Variants in RELN observed in about 807,000 individuals in gnomAD.
The protein encoded by RELN is reelin.
In RELN, 108 loss-of-function variants were observed where a neutral mutation model predicts 427.6. The ratio of observed to expected loss-of-function variants is 0.25; its 90% CI spans 0.22 to 0.30. The LOEUF is 0.30. Ranked by LOEUF, RELN falls within the 10% of genes least tolerant of loss-of-function variation. The probability of loss-of-function intolerance (pLI) is 1.00; values close to 1 mark genes in which losing one functional copy is unlikely to be tolerated. For synonymous variants in RELN, 1,524 were observed against 1,513.4 expected, an observed-to-expected ratio of 1.01 and a Z score of -0.16; for missense variants, 3,715 against 4,302.8, an observed-to-expected ratio of 0.86 and a Z score of 3.82.
Position 103,635,518 on chromosome 7 carries a change from G to C in RELN, c.2372C>G (p.Pro791Arg), listed in dbSNP as rs1832560291. 1.2e-6 allele frequency: 2 copies of C among 1,613,892 alleles called. No homozygotes were observed. Among genetic ancestry groups the C allele is most frequent in the East Asian group, 4.5e-5 (2 of 44,868 alleles). ...VLSTCRAPDQ[P>R]GEGVLLHYSY... Reference sequence around the variant, plus strand: ...ATAATGCAACAAAACTCCTTCACCAGGCTGATCAGGGGCTCTGCACGTGCT... The same window carrying C: ...ATAATGCAACAAAACTCCTTCACCACGCTGATCAGGGGCTCTGCACGTGCT... The change falls in exon 19 of 65, where the codon CCT becomes CGT. Residue 791 changes from proline (P) to arginine (R), a missense_variant. Physicochemically the swap from Pro to Arg is moderately radical, Grantham distance 103 (BLOSUM62 -2). Around this residue, in one of 4 missense-constraint regions of RELN, gnomAD observed 2,208 missense variants for 2,361.7 expected, o/e 0.93. Coordinates refer to ENST00000428762, the MANE Select transcript of RELN (RefSeq NM_005045.4).
intron 36 of RELN, 59 bp downstream of exon 36, chr7:103,561,473 G>T: frequency 8.0e-7 from 1 of 1,242,650 alleles, no homozygotes; most frequent in Non-Finnish European, 1.2e-6. Flanking sequence ...GTTGAGCAGT[G>T]ACTGAAGAAG....
chr7:103,784,825 G>C (rs934013484), intron 3 of RELN, among the ~76,000 whole-genome samples: 3 of 152,084 alleles, frequency 2.0e-5, no homozygotes, highest in Non-Finnish European at 4.4e-5. Context: ...TAGGCACAGG[G>C]ATTTTAGTCT....
At chr7:103,746,269 A>G (rs1379949316) in intron 6 of RELN, among the ~76,000 whole-genome samples, 1 of 152,270 alleles carries the variant, frequency 6.6e-6, no homozygotes, top group Non-Finnish European at 1.5e-5. Flanking sequence ...AATTAATTCA[A>G]GATGGATTAA....
intron 4 of RELN, among the ~76,000 whole-genome samples, chr7:103,765,437 T>G (rs1384106044): frequency 6.6e-6 from 1 of 152,186 alleles, no homozygotes; most frequent in African/African-American, 2.4e-5. Context: ...GTTTCACATA[T>G]GCCCACTGGG....
rs755779829 is a variant in RELN, at chr7:103,498,153, C to T, written c.8767G>A (p.Glu2923Lys). The change falls in exon 54 of 65, where the codon GAG (glutamate) becomes AAG (lysine). Residue 2923 changes from glutamate to lysine, a missense_variant. Glu to Lys is a moderately conservative substitution (Grantham distance 56, BLOSUM62 1). Around this residue, in one of 4 missense-constraint regions of RELN, gnomAD observed 1,310 missense variants for 1,643.0 expected, o/e 0.80. Coordinates refer to ENST00000428762, the MANE Select transcript of RELN (RefSeq NM_005045.4). ...STCTECGILA[E>K]DTALYFGGST... The stretch of plus-strand genomic sequence containing the variant: ...CCCCCAAAATAGAGTGCAGTGTCCT[C>T]GGCAAGAATTCCACACTCAGTGCAA... 7 of 1,613,946 alleles carry T rather than the reference C, an allele frequency of 4.3e-6. No individual in the cohort carries two copies. The highest frequency in any genetic ancestry group is 1.7e-5 in the Admixed American group (1 of 59,986).
intron 11 of RELN, among the ~76,000 whole-genome samples, chr7:103,664,268 A>G (rs899016345): frequency 3.3e-5 from 5 of 152,188 alleles, no homozygotes. Context: ...TAACAATGCT[A>G]TATAAAAGGT....
chr7:103,543,120 T>C (rs754868294), intron 42 of RELN, among the ~76,000 whole-genome samples: 20 of 152,198 alleles, frequency 1.3e-4, no homozygotes, highest in Non-Finnish European at 2.6e-4. Flanking sequence ...TGAGTATCTA[T>C]GGTCCAGCTA....
intron 52 of RELN, among the ~76,000 whole-genome samples, chr7:103,502,633 A>G (rs1829072452): frequency 6.6e-6 from 1 of 152,198 alleles, no homozygotes; most frequent in Admixed American, 6.5e-5. Flanking sequence ...GGCTCTGTCT[A>G]TCATGGATTG....
rs1793492405 is a variant in RELN at position 103,839,302 on chromosome 7, G to GTTTTTTTTTT, written c.338-5631_338-5630insAAAAAAAAAA. Reference sequence around the variant, plus strand: ...ACACTATGACTATACAGTGGTCTTTGCTTTTTTTTTTTTTTTTTTTAACAT... The same window carrying GTTTTTTTTTT: ...ACACTATGACTATACAGTGGTCTTTGTTTTTTTTTTCTTTTTTTTTTTTTTTTTTTAACAT... On this transcript the variant is annotated intron_variant, in intron 2 of 64. Transcript: ENST00000428762. Among the ~76,000 whole-genome samples, 268 of 75,010 alleles carry GTTTTTTTTTT rather than the reference G, an allele frequency of 3.6e-3. 2 individuals carry two copies. Among genetic ancestry groups the GTTTTTTTTTT allele is most frequent in the African/African-American group, 0.013 (256 of 20,256 alleles). The allele number at this position is 75,010 out of a possible 152,430, so 49.2% of individuals were successfully genotyped here.
At chr7:103,558,081 T>A in intron 36 of RELN, 32 bp from the exon 37 acceptor site, 1 of 1,060,188 alleles carries the variant, frequency 9.4e-7, no homozygotes, top group Non-Finnish European at 1.5e-6. Context: ...TTAAGCAACT[T>A]TTTTTCACTT....
chr7:103,964,298 A>G (rs1354494380), intron 1 of RELN, among the ~76,000 whole-genome samples: 1 of 152,212 alleles, frequency 6.6e-6, no homozygotes, highest in East Asian at 1.9e-4. Flanking sequence ...TTTGTGATCA[A>G]TATCAATCTA....
chr7:103,727,590 AT>A lies in RELN; in HGVS notation c.753+520del, dbSNP rs201771406. Among the ~76,000 whole-genome samples the A allele has an allele frequency of 2.4e-4, 36 of 152,332 alleles. No homozygotes were observed. In the East Asian group the frequency reaches 6.9e-3, roughly 29 times the overall value. ...AATCAATCTGAAGTAAAGGAAAATAATCTGCTTCTAAGTAATTTGAGATGAA... is the reference window on the plus strand; with the variant it reads ...AATCAATCTGAAGTAAAGGAAAATAACTGCTTCTAAGTAATTTGAGATGAA... On this transcript the variant is annotated intron_variant, in intron 7 of 64. Coordinates refer to ENST00000428762, the MANE Select transcript of RELN (RefSeq NM_005045.4).
At chr7:103,587,212 C>T (rs1584320318) in intron 28 of RELN, among the ~76,000 whole-genome samples, 1 of 152,114 alleles carries the variant, frequency 6.6e-6, no homozygotes, top group Middle Eastern at 3.4e-3. Context: ...ATAGATAATC[C>T]AGAAATAAAG....
chr7:103,771,575 T>A lies in RELN; in HGVS notation c.544+4982A>T, dbSNP rs116056711. ...CAACTCCCTCAGAGCCAACATGTGG[T>A]AGTGCAATTGATTATCTTTTCTTCC... On this transcript the variant is annotated intron_variant, in intron 4 of 64. Transcript: ENST00000428762. Among the ~76,000 whole-genome samples the A allele has an allele frequency of 7.6e-3, 1,162 of 152,296 alleles. 12 individuals carry two copies. The highest frequency in any genetic ancestry group is 0.026 in the African/African-American group (1,075 of 41,554).
At chr7:103,923,485 A>G (rs1795659649) in intron 1 of RELN, among the ~76,000 whole-genome samples, 1 of 152,224 alleles carries the variant, frequency 6.6e-6, no homozygotes, top group Non-Finnish European at 1.5e-5. Context: ...ATCCCAATAA[A>G]TGTAAAAGAA....
intron 2 of RELN, among the ~76,000 whole-genome samples, chr7:103,868,062 A>C (rs566766876): frequency 6.6e-6 from 1 of 151,998 alleles, no homozygotes; most frequent in Non-Finnish European, 1.5e-5. Flanking sequence ...TCCCAAAGGC[A>C]CCCCTAAGGC....
chr7:103,541,693 T>C (rs1023168237), intron 43 of RELN, among the ~76,000 whole-genome samples: 2 of 152,352 alleles, frequency 1.3e-5, no homozygotes, highest in Admixed American at 6.5e-5. Flanking sequence ...AAAATCTTTA[T>C]ATTAACTTAG....
At chr7:103,924,982 GCATACACATACACA>G (rs1259427437) in intron 1 of RELN, among the ~76,000 whole-genome samples, 1 of 42,220 alleles carries the variant, frequency 2.4e-5, no homozygotes, top group Non-Finnish European at 6.0e-5. Context: ...GTGTGCATGC[GCATACACATACACA>G]CACACACACA....
At chr7:103,607,607 G>A (rs527672911) in intron 22 of RELN, among the ~76,000 whole-genome samples, 2 of 152,028 alleles carry the variant, frequency 1.3e-5, no homozygotes, top group Non-Finnish European at 2.9e-5. Flanking sequence ...TAAACTCTCC[G>A]GATTCCCCAA....
Sources: gnomAD v4.1 joint callset for allele counts (sites outside exome capture counted in the v4.1 genomes callset) on GRCh38, gnomAD v4.1.1 for gene constraint, gnomAD v4.1.1 regional missense constraint, MANE v1.5 for transcripts, NCBI Gene and HGNC (gene_info 2026-07-23, HGNC 2026-07-21) for gene names.